ZNF584: variants seen among roughly 807,000 people sequenced by gnomAD.
ZNF584 encodes the protein zinc finger protein 584.
ZNF584 carries 12 observed loss-of-function variants against 14.7 expected under a neutral mutation model. That is an observed-to-expected ratio of 0.82 (90% CI 0.52 to 1.32). The LOEUF (loss-of-function observed/expected upper bound fraction) is 1.32. Ranked by LOEUF, ZNF584 falls within the 40% of genes most tolerant of loss-of-function variation. The pLI, the probability that ZNF584 is intolerant of heterozygous loss-of-function variation, is 0.00. For missense variants in ZNF584, 478 were observed against 518.8 expected (o/e 0.92, Z 0.76); for synonymous variants, 204 against 190.9 (o/e 1.07, Z -0.57).
At chr19:58,406,334 G>C (rs1366827407), upstream of ZNF584, 1 of 72,958 alleles carries the variant, frequency 1.4e-5, no homozygotes, top group Admixed American at 1.2e-4. Flanking sequence ...GAGGGAGACC[G>C]TGGAAAGAGC....
At chr19:58,409,398 C>T (rs930475311) in intron 1 of ZNF584, among the ~76,000 whole-genome samples, 2 of 152,192 alleles carry the variant, frequency 1.3e-5, no homozygotes, top group Admixed American at 6.5e-5. Context: ...ATGTGCAGAA[C>T]GGCGTGTGGA....
intron 2 of ZNF584, among the ~76,000 whole-genome samples, chr19:58,412,354 C>T (rs373089587): frequency 9.6e-4 from 145 of 151,546 alleles, no homozygotes; most frequent in African/African-American, 3.3e-3. Context: ...GGACTACAGG[C>T]GCCCGCCACC....
At chr19:58,412,421 G>A (rs2052588575) in intron 2 of ZNF584, among the ~76,000 whole-genome samples, 1 of 151,864 alleles carries the variant, frequency 6.6e-6, no homozygotes, top group Non-Finnish European at 1.5e-5. Context: ...TTGTTAGCCA[G>A]GATGGTCTCA....
chr19:58,415,246 A>G (rs903233805), intron 2 of ZNF584, among the ~76,000 whole-genome samples: 9 of 151,876 alleles, frequency 5.9e-5, no homozygotes, highest in Non-Finnish European at 1.0e-4. Context: ...CTAGAGTCCA[A>G]TGGTGTGATC....
At chr19:58,410,131 C>A (rs965881833) in intron 2 of ZNF584, 40 bp downstream of exon 2, 4 of 1,556,466 alleles carry the variant, frequency 2.6e-6, no homozygotes, top group Non-Finnish European at 3.5e-6. Context: ...CTGACTACCC[C>A]CTCATTTTCC....
intron 1 of ZNF584, 95 bp downstream of exon 1, chr19:58,409,260 A>G: frequency 3.8e-6 from 5 of 1,309,282 alleles, no homozygotes; most frequent in Non-Finnish European, 5.0e-6. Flanking sequence ...AGATCTGCGT[A>G]TGATTCCAGG....
At chr19:58,412,794 G>T (rs151280107) in intron 2 of ZNF584, among the ~76,000 whole-genome samples, 312 of 152,170 alleles carry the variant, frequency 2.1e-3, no homozygotes, top group Middle Eastern at 0.014. Context: ...TGTGTGTTTT[G>T]GGGGGAATGT....
chr19:58,403,577 T>C, intron 1 of ZNF584, among the ~76,000 whole-genome samples: 1 of 152,190 alleles, frequency 6.6e-6, no homozygotes, highest in East Asian at 1.9e-4. Flanking sequence ...GCAGTAAAAG[T>C]ATTTTGTACT....
At chr19:58,402,797 C>G (rs1173451687) in intron 1 of ZNF584, among the ~76,000 whole-genome samples, 1 of 131,792 alleles carries the variant, frequency 7.6e-6, no homozygotes, top group African/African-American at 2.9e-5. Context: ...GCACTCCAGC[C>G]TGGGCAACAA....
chr19:58,412,767 A>G lies in ZNF584; in HGVS notation c.169+2676A>G, dbSNP rs190589374. ...ATTGTTAGTATTCACCTTTGAAGCC[A>G]TCAGGGCTTGGGGTTGTGTGTGTTT... On this transcript the variant is annotated intron_variant, in intron 2 of 3. Coordinates refer to ENST00000306910, the MANE Select transcript of ZNF584 (RefSeq NM_173548.3). Among the ~76,000 whole-genome samples the G allele has an allele frequency of 2.2e-3, 329 of 152,318 alleles. 3 individuals are homozygous for G. The highest frequency in any genetic ancestry group is 7.0e-3 in the African/African-American group (291 of 41,568).
At chr19:58,403,190 G>C (rs188858601) in intron 1 of ZNF584, among the ~76,000 whole-genome samples, 1 of 152,302 alleles carries the variant, frequency 6.6e-6, no homozygotes, top group East Asian at 1.9e-4. Context: ...GCACAAATGA[G>C]TTGAGAACTT....
In ZNF584 at chr19:58,417,324, C is replaced by T. The variant is rs1425707921; in HGVS notation, c.806C>T (p.Pro269Leu). 1.2e-6 allele frequency: 2 copies of T among 1,614,214 alleles called. No homozygotes were observed. Among genetic ancestry groups the T allele is most frequent in the East Asian group, 2.2e-5 (1 of 44,894 alleles). The change falls in exon 4 of 4, where the codon CCT (proline) becomes CTT (leucine). Residue 269 changes from proline (P) to leucine (L), a missense_variant. Pro to Leu is a moderately conservative substitution (Grantham distance 98). Transcript: ENST00000306910. The part of the protein sequence containing the change: ...LHQRIHTGER[P>L]YECSKCGKTF... ...CAGAGGATTCACACTGGAGAAAGGC[C>T]TTACGAGTGCAGCAAATGTGGTAAA...
In ZNF584 at chr19:58,417,538, C is replaced by T. The variant is rs775635483; in HGVS notation, c.1020C>T (p.Gly340=). Residue 340 remains glycine (G), a synonymous_variant, in exon 4 of 4, where the codon GGC becomes GGT. Coordinates refer to ENST00000306910, the MANE Select transcript of ZNF584 (RefSeq NM_173548.3). ...QCGKGYVTRS[G]LYQHWKVHTG... is the part of the protein sequence containing the mutation. ...GGAAAGGCTACGTGACCCGTTCAGG[C>T]CTCTATCAGCACTGGAAAGTCCACA... The T allele has an allele frequency of 6.2e-7, 1 of 1,614,198 alleles. No homozygotes were observed. The highest frequency in any genetic ancestry group is 8.5e-7 in the Non-Finnish European group (1 of 1,180,034).
intron 2 of ZNF584, among the ~76,000 whole-genome samples, chr19:58,413,863 G>C (rs2052607124): frequency 6.6e-6 from 1 of 151,260 alleles, no homozygotes; most frequent in African/African-American, 2.4e-5. Context: ...CTGTCACCCA[G>C]GCTGGAGTGC....
chr19:58,417,360 T>G lies in ZNF584; in HGVS notation c.842T>G (p.Val281Gly), dbSNP rs1334093251. ...AGCAAATGTGGTAAAACCTTCAGTG[T>G]TCTGTCTACCCTCATTCGGCACCGG... Reference protein sequence around the residue: ...ECSKCGKTFSVLSTLIRHRKV... With the variant: ...ECSKCGKTFSGLSTLIRHRKV... The change falls in exon 4 of 4, where the codon GTT becomes GGT. Residue 281 changes from valine (V) to glycine (G), a missense_variant. Around this residue, in one of 3 missense-constraint regions of ZNF584, gnomAD observed 283 missense variants for 317.3 expected, o/e 0.89. Coordinates refer to ENST00000306910, the MANE Select transcript of ZNF584 (RefSeq NM_173548.3). 1 of 1,614,014 alleles carries G rather than the reference T, an allele frequency of 6.2e-7. No individual in the cohort carries two copies. Among genetic ancestry groups the G allele is most frequent in the Non-Finnish European group, 8.5e-7 (1 of 1,179,956 alleles).
intron 2 of ZNF584, among the ~76,000 whole-genome samples, chr19:58,410,539 A>AATTTTTTT: frequency 1.8e-4 from 7 of 38,688 alleles, no homozygotes; most frequent in African/African-American, 3.8e-4. Context: ...ATATATATAT[A>AATTTTTTT]TATATATATA....
rs2052441645 is a variant in ZNF584 at position 58,402,983 on chromosome 19, C to T, written n.92+1321C>T. Among the ~76,000 whole-genome samples the T allele has an allele frequency of 5.3e-5, 8 of 152,086 alleles. No individual in the cohort carries two copies. The South Asian group carries it at 1.7e-3, about 32-fold the overall frequency. ...GAAACAATAATGAGATACTACTATA[C>T]ATCTATTAGAATGGCTACAATGCAA... On this transcript the variant is annotated intron_variant and non_coding_transcript_variant, in intron 1 of 3. Transcript: ENST00000594993.
At chr19:58,416,747 C>G (rs879384201) in intron 3 of ZNF584, 64 bp from the exon 4 acceptor site, 7 of 1,510,002 alleles carry the variant, frequency 4.6e-6, no homozygotes, top group Non-Finnish European at 6.2e-6. Context: ...CTGACATGCA[C>G]TGGTGATTAA....
At chr19:58,406,344 C>CGGGGGGGGGGGAGGGGGG (rs2052472891), upstream of ZNF584, 1 of 24,398 alleles carries the variant, frequency 4.1e-5, no homozygotes, top group Admixed American at 3.9e-4. Flanking sequence ...GTGGAAAGAG[C>CGGGGGGGGGGGAGGGGGG]GGGGGGGGGG....
Sources: allele counts gnomAD v4.1 joint callset (sites outside exome capture counted in the v4.1 genomes callset), GRCh38; gene constraint gnomAD v4.1.1; regional missense constraint gnomAD v4.1.1; transcripts MANE v1.5; gene names NCBI Gene and HGNC (gene_info 2026-07-23, HGNC 2026-07-21).